Variants in DPP10 observed in about 807,000 individuals in gnomAD.
The protein encoded by DPP10 is dipeptidyl peptidase like 10.
DPP10 carries 33 observed loss-of-function variants against 120.9 expected under a neutral mutation model. The observed-to-expected ratio is 0.27, with a 90% confidence interval of 0.21 to 0.37. DPP10 has a LOEUF of 0.37. Among genes scored for constraint, DPP10 ranks in the 10% least tolerant of loss-of-function variants. The pLI is 1.00. For missense variants in DPP10, 816 were observed against 942.8 expected (o/e 0.87, Z 1.76); for synonymous variants, 337 against 326.1 (o/e 1.03, Z -0.36).
intron 1 of DPP10, among the ~76,000 whole-genome samples, chr2:114,693,654 A>G (rs867054418): frequency 8.5e-5 from 13 of 152,062 alleles, no homozygotes; most frequent in African/African-American, 3.1e-4. Flanking sequence ...GTTCTCCTGG[A>G]TGATATCCTG....
intron 1 of DPP10, among the ~76,000 whole-genome samples, chr2:114,698,345 C>T (rs777150934): frequency 1.3e-5 from 2 of 152,020 alleles, no homozygotes; most frequent in African/African-American, 2.4e-5. Flanking sequence ...GTTTCAGTGT[C>T]AGTAAAGCCT....
At chr2:115,352,915 G>T (rs1389019406) in intron 3 of DPP10, among the ~76,000 whole-genome samples, 1 of 151,936 alleles carries the variant, frequency 6.6e-6, no homozygotes, top group East Asian at 1.9e-4. Context: ...TTTTTGAGCT[G>T]CTGTGTACGC....
At chr2:115,483,874 T>A (rs1418313121) in intron 3 of DPP10, among the ~76,000 whole-genome samples, 1 of 152,116 alleles carries the variant, frequency 6.6e-6, no homozygotes, top group Non-Finnish European at 1.5e-5. Flanking sequence ...AGTGTCAGAC[T>A]GATCTGCTGC....
intron 7 of DPP10, among the ~76,000 whole-genome samples, chr2:115,727,273 G>C (rs1405906604): frequency 7.9e-6 from 1 of 127,222 alleles, no homozygotes; most frequent in African/African-American, 2.5e-5. Context: ...ACTGGAAGCT[G>C]TGTTCCACTT....
chr2:115,145,755 G>A (rs1270513412), intron 1 of DPP10, among the ~76,000 whole-genome samples: 2 of 152,104 alleles, frequency 1.3e-5, no homozygotes, highest in African/African-American at 4.8e-5. Flanking sequence ...GTACCATTTT[G>A]TGTTCCCACC....
chr2:115,632,771 G>A (rs1403865166), intron 5 of DPP10, among the ~76,000 whole-genome samples: 1 of 152,006 alleles, frequency 6.6e-6, no homozygotes, highest in Non-Finnish European at 1.5e-5. Flanking sequence ...GTGGGCAAAG[G>A]ATATGAACAG....
intron 1 of DPP10, among the ~76,000 whole-genome samples, chr2:115,028,213 C>T (rs1427588489): frequency 1.3e-5 from 2 of 152,138 alleles, no homozygotes; most frequent in Non-Finnish European, 1.5e-5. Flanking sequence ...GAAGTCTTCA[C>T]ACCTCTTTGA....
chr2:114,653,005 AG>A (rs1558969785), intron 1 of DPP10, among the ~76,000 whole-genome samples: 59 of 144,606 alleles, frequency 4.1e-4, no homozygotes, highest in African/African-American at 8.5e-4. Flanking sequence ...AGAGAGAGAG[AG>A]AGAAAGAGAG....
chr2:115,180,408 G>A (rs2053995888), intron 1 of DPP10, among the ~76,000 whole-genome samples: 1 of 152,040 alleles, frequency 6.6e-6, no homozygotes. Flanking sequence ...TAAAATTTGG[G>A]TAATGGTACC....
chr2:115,047,102 A>T (rs1183850179), intron 1 of DPP10, among the ~76,000 whole-genome samples: 1 of 134,482 alleles, frequency 7.4e-6, no homozygotes, highest in African/African-American at 2.6e-5. Flanking sequence ...AATGATTTTA[A>T]CAGAAGTGAC....
chr2:114,813,943 C>G (rs1287141466), intron 1 of DPP10, among the ~76,000 whole-genome samples: 1 of 47,736 alleles, frequency 2.1e-5, no homozygotes, highest in Non-Finnish European at 4.4e-5. Flanking sequence ...CACGCATGAA[C>G]ACACACACAC....
chr2:114,505,368 A>T (rs1573515078), intron 1 of DPP10, among the ~76,000 whole-genome samples: 1 of 152,020 alleles, frequency 6.6e-6, no homozygotes, highest in East Asian at 1.9e-4. Flanking sequence ...GTTTGAACAG[A>T]TTCATTTCAG....
chr2:115,758,917 T>A (rs561084826), intron 11 of DPP10, among the ~76,000 whole-genome samples: 1 of 152,284 alleles, frequency 6.6e-6, no homozygotes, highest in South Asian at 2.1e-4. Context: ...CATATCATAT[T>A]CTAAAATCAA....
At chr2:114,664,059 A>G (rs1275087861) in intron 1 of DPP10, among the ~76,000 whole-genome samples, 2 of 152,008 alleles carry the variant, frequency 1.3e-5, no homozygotes, top group Non-Finnish European at 2.9e-5. Flanking sequence ...CACAGTTTGA[A>G]TATTTTAAAC....
chr2:114,485,049 G>A (rs1419193609), intron 1 of DPP10, among the ~76,000 whole-genome samples: 2 of 152,072 alleles, frequency 1.3e-5, no homozygotes, highest in African/African-American at 4.8e-5. Context: ...GAGGAATAAG[G>A]TTGAATTAGC....
intron 1 of DPP10, among the ~76,000 whole-genome samples, chr2:114,899,991 G>A (rs1310401806): frequency 6.6e-6 from 1 of 152,120 alleles, no homozygotes; most frequent in Non-Finnish European, 1.5e-5. Flanking sequence ...AGATTTATTC[G>A]TGTTAATTTA....
At chr2:115,776,885 G>A (rs914162443) in intron 13 of DPP10, among the ~76,000 whole-genome samples, 8 of 151,038 alleles carry the variant, frequency 5.3e-5, no homozygotes, top group Non-Finnish European at 1.0e-4. Context: ...AAAGCTAACT[G>A]TACAGCTGCC....
intron 1 of DPP10, among the ~76,000 whole-genome samples, chr2:115,059,222 A>G (rs374915055): frequency 0.019 from 2,491 of 132,032 alleles, 54 homozygotes; most frequent in African/African-American, 0.051. Flanking sequence ...GAAAGATTTA[A>G]AAAGAAGAAG....
rs567836213 is a variant in DPP10 at position 114,714,039 on chromosome 2, G to T, written c.60+271201G>T. On this transcript the variant is annotated intron_variant, in intron 1 of 25. Coordinates refer to ENST00000410059, the MANE Select transcript of DPP10 (RefSeq NM_020868.6). ...ATAAATAATAAAAGTAAAAATTTTA[G>T]ACTTTGCATGTGTTCCTGAGTGGAT... Among the ~76,000 whole-genome samples the T allele has an allele frequency of 2.0e-5, 3 of 150,380 alleles. No homozygotes were observed. The East Asian group carries it at 5.9e-4, about 29-fold the overall frequency.
Sources: gnomAD v4.1 joint callset for allele counts (sites outside exome capture counted in the v4.1 genomes callset) on GRCh38, gnomAD v4.1.1 for gene constraint, MANE v1.5 for transcripts, NCBI Gene and HGNC (gene_info 2026-07-23, HGNC 2026-07-21) for gene names.